The following TAOK3 variants were observed in gnomAD, a reference collection of about 807,000 sequenced individuals.
TAOK3 encodes serine/threonine-protein kinase TAO3.
A neutral mutation model predicts 120.4 loss-of-function variants in TAOK3; 40 were observed. The ratio of observed to expected loss-of-function variants is 0.33; its 90% CI spans 0.26 to 0.43. The LOEUF (loss-of-function observed/expected upper bound fraction) is 0.43. TAOK3 is among the 20% of genes least tolerant of loss of function. TAOK3 has a pLI of 1.00. For synonymous variants in TAOK3, 355 were observed against 387.5 expected (o/e 0.92, Z 0.99); for missense variants, 821 against 1,112.1 (o/e 0.74, Z 3.72).
At chr12:118,321,482 A>G (rs1294999741) in intron 1 of TAOK3, among the ~76,000 whole-genome samples, 1 of 152,128 alleles carries the variant, frequency 6.6e-6, no homozygotes, top group Non-Finnish European at 1.5e-5. Context: ...CTGGTCTTGA[A>G]CTACTGGGCT....
At chr12:118,259,726 A>T (rs2041143616) in intron 2 of TAOK3, among the ~76,000 whole-genome samples, 1 of 152,184 alleles carries the variant, frequency 6.6e-6, no homozygotes, top group South Asian at 2.1e-4. Flanking sequence ...GGGGAAATCC[A>T]GTTAGAGCCT....
intron 1 of TAOK3, among the ~76,000 whole-genome samples, chr12:118,266,972 C>T (rs1248296597): frequency 1.3e-5 from 2 of 152,140 alleles, no homozygotes; most frequent in African/African-American, 2.4e-5. Flanking sequence ...ACAAATGTGT[C>T]GTTAGATTTA....
intron 1 of TAOK3, among the ~76,000 whole-genome samples, chr12:118,368,198 T>C (rs1442743360): frequency 5.3e-5 from 8 of 152,150 alleles, no homozygotes; most frequent in Admixed American, 2.6e-4. Flanking sequence ...GACTTTTGGT[T>C]ATTATTATTA....
At chr12:118,189,762 G>A in intron 14 of TAOK3, 45 bp downstream of exon 14, 13 of 1,610,748 alleles carry the variant, frequency 8.1e-6, no homozygotes, top group Non-Finnish European at 1.0e-5. Context: ...GCCAGATGGG[G>A]AGGAGGGGAA....
intron 2 of TAOK3, among the ~76,000 whole-genome samples, chr12:118,261,211 C>T (rs915974639): frequency 2.0e-5 from 3 of 152,122 alleles, no homozygotes; most frequent in African/African-American, 7.2e-5. Context: ...TACTGTATGT[C>T]TAAGTGGAGT....
At chr12:118,299,510 GTTAT>G (rs938586355) in intron 1 of TAOK3, among the ~76,000 whole-genome samples, 1 of 151,978 alleles carries the variant, frequency 6.6e-6, no homozygotes, top group African/African-American at 2.4e-5. Flanking sequence ...ATTACTAAGG[GTTAT>G]TTATTTATTT....
chr12:118,336,757 C>CA lies in TAOK3; in HGVS notation c.-194+35890dup, dbSNP rs34013474. Among the ~76,000 whole-genome samples the CA allele has an allele frequency of 4.1e-4, 63 of 151,870 alleles. No homozygotes were observed. In the East Asian group the frequency reaches 8.5e-3, roughly 20 times the overall value. On this transcript the variant is annotated intron_variant, in intron 1 of 20. Coordinates refer to ENST00000392533, the MANE Select transcript of TAOK3 (RefSeq NM_016281.4). Reference sequence around the variant, plus strand: ...CTCAAAACCCAACAGTAAATTACAGCAAAAAAAACTCCAATTACAAAAAGG... The same window carrying CA: ...CTCAAAACCCAACAGTAAATTACAGCAAAAAAAAACTCCAATTACAAAAAGG...
chr12:118,189,390 A>AT (rs2037279464), intron 14 of TAOK3, among the ~76,000 whole-genome samples: 1 of 152,186 alleles, frequency 6.6e-6, no homozygotes, highest in African/African-American at 2.4e-5. Context: ...CCGTGCATAC[A>AT]TATACATCAA....
chr12:118,253,107 A>G (rs772202778), intron 3 of TAOK3, among the ~76,000 whole-genome samples: 2 of 152,166 alleles, frequency 1.3e-5, no homozygotes, highest in Non-Finnish European at 2.9e-5. Context: ...CAAGTTATTG[A>G]TGGTAGTGAG....
Position 118,372,905 on chromosome 12 carries a change from C to A in TAOK3, c.-451G>T, listed in dbSNP as rs564387924. On this transcript the variant is annotated 5_prime_UTR_variant, in exon 1 of 21. Coordinates refer to ENST00000392533, the MANE Select transcript of TAOK3 (RefSeq NM_016281.4). This position sits in a 1 kb window ranked among gnomAD's most constrained non-coding sequence, Gnocchi z 4.6. ...CGCTGCTGCTGTCCGAGGTGCGGCT[C>A]CTGCCAGGGGTGGCCAATCGCACCG... 243 of 154,544 alleles carry A rather than the reference C, an allele frequency of 1.6e-3. No homozygotes were observed. The highest frequency in any genetic ancestry group is 9.9e-3 in the Middle Eastern group (3 of 302). 9.6% of individuals were successfully genotyped at this position (154,544 alleles called of 1,614,324 possible). A position where few individuals can be genotyped will look rare whatever the true frequency, so the allele number is the denominator to read the frequency against.
intron 17 of TAOK3, among the ~76,000 whole-genome samples, chr12:118,166,184 T>A (rs1019007262): frequency 5.9e-5 from 9 of 152,206 alleles, no homozygotes; most frequent in African/African-American, 2.2e-4. Flanking sequence ...ACAACTTCTA[T>A]AAAGAGAACT....
chr12:118,349,328 A>G (rs1372610313), intron 1 of TAOK3, among the ~76,000 whole-genome samples: 3 of 152,264 alleles, frequency 2.0e-5, no homozygotes, highest in Non-Finnish European at 2.9e-5. Flanking sequence ...TCACAGAAAC[A>G]TTATTAATAT....
intron 1 of TAOK3, among the ~76,000 whole-genome samples, chr12:118,331,845 G>A (rs1034616431): frequency 1.0e-5 from 1 of 96,410 alleles, no homozygotes; most frequent in African/African-American, 4.0e-5. Context: ...TTTTTTTTTT[G>A]AGATGGAGTC....
chr12:118,234,314 C>T (rs1593247623), intron 8 of TAOK3, among the ~76,000 whole-genome samples: 1 of 145,084 alleles, frequency 6.9e-6, no homozygotes, highest in African/African-American at 2.5e-5. Flanking sequence ...CTGCAAGCTC[C>T]GCCTCCCAGG....
intron 1 of TAOK3, among the ~76,000 whole-genome samples, chr12:118,310,110 C>T (rs1259984744): frequency 6.6e-6 from 1 of 151,998 alleles, no homozygotes; most frequent in Non-Finnish European, 1.5e-5. Context: ...TGGCAAAACC[C>T]AATTTCTACA....
intron 9 of TAOK3, among the ~76,000 whole-genome samples, chr12:118,221,602 G>A (rs1182164268): frequency 6.7e-6 from 1 of 150,192 alleles, no homozygotes; most frequent in African/African-American, 2.4e-5. Context: ...CGCTTCTGAA[G>A]AAGTCACCTT....
Position 118,255,613 on chromosome 12 carries a change from A to C in TAOK3, c.-46T>G. 1 of 1,545,028 alleles carries C rather than the reference A, an allele frequency of 6.5e-7. No homozygotes were observed. The highest frequency in any genetic ancestry group is 2.1e-5 in the Admixed American group (1 of 47,750). On this transcript the variant is annotated 5_prime_UTR_variant, in exon 3 of 21. Transcript: ENST00000392533. ...CTGCTTTTTGATATCAGTTAGCTTT[A>C]TTTCTCATTGACAATTTTTTTTGGG... is the stretch of plus-strand genomic sequence containing the variant.
chr12:118,257,636 A>G (rs1449354619), intron 2 of TAOK3, among the ~76,000 whole-genome samples: 2 of 151,802 alleles, frequency 1.3e-5, no homozygotes, highest in South Asian at 2.1e-4. Flanking sequence ...TTTTCAAAAC[A>G]TGGGCCAGTG....
intron 9 of TAOK3, among the ~76,000 whole-genome samples, chr12:118,217,984 C>T (rs1024596081): frequency 3.4e-5 from 5 of 149,218 alleles, no homozygotes; most frequent in South Asian, 4.3e-4. Context: ...CTCAGCCTCC[C>T]GAGTAGCTGG....
Sources: allele counts gnomAD v4.1 joint callset (sites outside exome capture counted in the v4.1 genomes callset), GRCh38; gene constraint gnomAD v4.1.1; non-coding constraint Gnocchi (gnomAD v3.1); transcripts MANE v1.5; gene names NCBI Gene and HGNC (gene_info 2026-07-23, HGNC 2026-07-21).